Variants in DENND1B observed in about 807,000 individuals in gnomAD.
DENND1B encodes DENN domain-containing protein 1B.
Under a neutral mutation model 90.1 loss-of-function variants are expected in DENND1B, and 59 were observed. The ratio of observed to expected loss-of-function variants is 0.65; its 90% CI spans 0.53 to 0.81. The LOEUF (loss-of-function observed/expected upper bound fraction) is 0.81, where lower values mean the gene tolerates loss of function less well. DENND1B is among the 40% of genes least tolerant of loss of function. DENND1B has a pLI of 0.00. For synonymous variants in DENND1B, 337 were observed against 324.6 expected, an observed-to-expected ratio of 1.04 and a Z score of -0.41; for missense variants, 862 against 912.6, an observed-to-expected ratio of 0.94 and a Z score of 0.71.
At chr1:197,737,290 A>G (rs1558462378) in intron 2 of DENND1B, among the ~76,000 whole-genome samples, 1 of 152,202 alleles carries the variant, frequency 6.6e-6, no homozygotes. Context: ...AATGGCTTCA[A>G]ACTTTCAGAT....
At chr1:197,561,171 CAA>C (rs536696785) in intron 15 of DENND1B, among the ~76,000 whole-genome samples, 24 of 151,944 alleles carry the variant, frequency 1.6e-4, no homozygotes, top group Non-Finnish European at 2.4e-4. Flanking sequence ...CAGCAAAATT[CAA>C]AAGAGCTGTC....
rs1054484661 is a variant in DENND1B, at chr1:197,714,164, G to A, written c.126+867C>T. On this transcript the variant is annotated intron_variant, in intron 3 of 22. Transcript: ENST00000620048. The stretch of plus-strand genomic sequence containing the variant: ...GCTGTTTTGTATTTTTAGCAGAGAC[G>A]AGGTTTCACCATGTTAGTCAGGCTG... Among the ~76,000 whole-genome samples the A allele has an allele frequency of 2.7e-5, 4 of 150,916 alleles. No homozygotes were observed. The East Asian group carries it at 7.9e-4, about 30-fold the overall frequency.
At chr1:197,609,815 T>C (rs1324461658) in intron 12 of DENND1B, among the ~76,000 whole-genome samples, 2 of 150,606 alleles carry the variant, frequency 1.3e-5, no homozygotes, top group Non-Finnish European at 3.0e-5. Flanking sequence ...ATTTTAATTA[T>C]TCCTTAAAGA....
intron 20 of DENND1B, among the ~76,000 whole-genome samples, chr1:197,521,347 C>T (rs1325772376): frequency 1.3e-5 from 2 of 151,730 alleles, no homozygotes; most frequent in African/African-American, 4.8e-5. Flanking sequence ...AGGTGGCAGA[C>T]AAATATTAAA....
At chr1:197,516,536 T>C (rs1472581575) in intron 20 of DENND1B, among the ~76,000 whole-genome samples, 1 of 151,790 alleles carries the variant, frequency 6.6e-6, no homozygotes, top group African/African-American at 2.4e-5. Flanking sequence ...GATGGTGTTC[T>C]GGTGGGTTGC....
chr1:197,682,761 A>G (rs1398722515), intron 3 of DENND1B, among the ~76,000 whole-genome samples: 1 of 152,188 alleles, frequency 6.6e-6, no homozygotes, highest in African/African-American at 2.4e-5. Flanking sequence ...ACAGGAAAAC[A>G]TATGTGCAAA....
chr1:197,742,505 G>A (rs1361287503), intron 2 of DENND1B, among the ~76,000 whole-genome samples: 1 of 152,154 alleles, frequency 6.6e-6, no homozygotes, highest in Non-Finnish European at 1.5e-5. Context: ...TTTTGGTCAT[G>A]AGGCAGTAAC....
rs569850902 is a variant in DENND1B, at chr1:197,674,022, G to A, written c.176+98C>T. 2.7e-5 allele frequency: 23 copies of A among 866,506 alleles called. No individual in the cohort carries two copies. The African/African-American group carries it at 3.8e-4, about 14-fold the overall frequency. 53.7% of individuals were successfully genotyped at this position (866,506 alleles called of 1,614,324 possible). The stretch of plus-strand genomic sequence containing the variant: ...TAGCCTTTTTGTGAGAAGCAATAAA[G>A]AGAAGGGACATTTTATTTTATAAAA... On this transcript the variant is annotated intron_variant, in intron 4 of 22. Transcript: ENST00000620048.
At chr1:197,683,540 C>G (rs768245149) in intron 3 of DENND1B, among the ~76,000 whole-genome samples, 11 of 152,044 alleles carry the variant, frequency 7.2e-5, no homozygotes, top group Non-Finnish European at 1.3e-4. Context: ...CGGAGACATA[C>G]AAGAGGTAGC....
chr1:197,589,460 A>T (rs975025506), intron 14 of DENND1B, among the ~76,000 whole-genome samples: 17 of 152,184 alleles, frequency 1.1e-4, no homozygotes, highest in Non-Finnish European at 1.9e-4. Flanking sequence ...AAGAGAAATG[A>T]CATGAAAGGA....
At chr1:197,680,306 TACTA>T (rs1348220530) in intron 3 of DENND1B, among the ~76,000 whole-genome samples, 1 of 152,172 alleles carries the variant, frequency 6.6e-6, no homozygotes, top group Non-Finnish European at 1.5e-5. Context: ...TTCACTCCTA[TACTA>T]ACTAGTAATA....
intron 5 of DENND1B, among the ~76,000 whole-genome samples, chr1:197,665,755 C>T (rs1164617321): frequency 6.6e-6 from 1 of 151,998 alleles, no homozygotes; most frequent in Non-Finnish European, 1.5e-5. Flanking sequence ...TTTTCTTTTA[C>T]AATTTTTGGA....
At position 197,511,960 on chromosome 1, in the gene DENND1B, A is replaced by C; in HGVS notation, c.1599-16T>G. The C allele has an allele frequency of 3.8e-6, 6 of 1,589,326 alleles. No individual in the cohort carries two copies. The highest frequency in any genetic ancestry group is 5.2e-6 in the Non-Finnish European group (6 of 1,164,294). ...AGAAGATAACCTGAAGAAAAATAAAACACGCAGTAGTAGGTAAATAACCAT... is the reference window on the plus strand; with the variant it reads ...AGAAGATAACCTGAAGAAAAATAAACCACGCAGTAGTAGGTAAATAACCAT... On this transcript the variant is annotated splice_polypyrimidine_tract_variant and intron_variant, in intron 21 of 22. Transcript: ENST00000620048.
chr1:197,516,947 G>GAA (rs1463979806), intron 20 of DENND1B, among the ~76,000 whole-genome samples: 1 of 151,796 alleles, frequency 6.6e-6, no homozygotes. Flanking sequence ...GTAGCCTCTG[G>GAA]AAAGCTTTAT....
At chr1:197,663,830 G>C (rs187718882) in intron 5 of DENND1B, among the ~76,000 whole-genome samples, 3 of 152,006 alleles carry the variant, frequency 2.0e-5, no homozygotes, top group Admixed American at 6.6e-5. Context: ...CTGATAAGAA[G>C]CAACTGCTCA....
At chr1:197,735,172 AC>A in intron 2 of DENND1B, 1 of 995,408 alleles carries the variant, frequency 1.0e-6, no homozygotes, top group African/African-American at 1.7e-5. Flanking sequence ...GGTACAAAAA[AC>A]AATATTGAAT....
chr1:197,693,533 T>C (rs1287484205), intron 3 of DENND1B, among the ~76,000 whole-genome samples: 4 of 151,696 alleles, frequency 2.6e-5, no homozygotes, highest in Non-Finnish European at 5.9e-5. Context: ...TGTAAAGGTC[T>C]ATTAAAATGC....
intron 3 of DENND1B, among the ~76,000 whole-genome samples, chr1:197,714,322 T>C (rs542927258): frequency 1.4e-4 from 21 of 152,230 alleles, no homozygotes; most frequent in African/African-American, 4.6e-4. Context: ...CTTAAATCTG[T>C]ATTATTTACC....
intron 2 of DENND1B, chr1:197,746,920 T>C: frequency 2.5e-6 from 4 of 1,570,382 alleles, no homozygotes; most frequent in South Asian, 1.1e-5. Flanking sequence ...CTCGAGTAGC[T>C]AGCTGGTTTT....
Sources: allele counts gnomAD v4.1 joint callset (sites outside exome capture counted in the v4.1 genomes callset), GRCh38; gene constraint gnomAD v4.1.1; transcripts MANE v1.5; gene names NCBI Gene and HGNC (gene_info 2026-07-23, HGNC 2026-07-21).